Variants in RANBP17 observed in about 807,000 individuals in gnomAD.
RANBP17 encodes the protein ran-binding protein 17.
A neutral mutation model predicts 141.2 loss-of-function variants in RANBP17; 158 were observed. The ratio of observed to expected loss-of-function variants is 1.12; its 90% confidence interval spans 0.98 to 1.28. RANBP17 has a LOEUF of 1.28. Ranked by LOEUF, RANBP17 falls within the 50% of genes most tolerant of loss-of-function variation. The pLI, the probability that RANBP17 is intolerant of heterozygous loss-of-function variation, is 0.00. For synonymous variants in RANBP17, 430 were observed against 450.0 expected (o/e 0.96, Z 0.56); for missense variants, 1,438 against 1,290.7 (o/e 1.11, Z -1.75).
At chr5:171,117,301 CA>C (rs2127767864) in intron 14 of RANBP17, among the ~76,000 whole-genome samples, 1 of 152,190 alleles carries the variant, frequency 6.6e-6, no homozygotes, top group East Asian at 1.9e-4. Flanking sequence ...AGTATATAAA[CA>C]GTATTTTGTC....
chr5:170,979,459 A>G (rs1439180745), intron 14 of RANBP17, among the ~76,000 whole-genome samples: 1 of 152,202 alleles, frequency 6.6e-6, no homozygotes, highest in African/African-American at 2.4e-5. Context: ...AAATTAGAGA[A>G]TGATATGGTC....
chr5:171,280,180 T>C (rs1278557445), intron 25 of RANBP17, among the ~76,000 whole-genome samples: 1 of 152,080 alleles, frequency 6.6e-6, no homozygotes, highest in Non-Finnish European at 1.5e-5. Flanking sequence ...ATTCCCAAAG[T>C]GTAGTGTGCT....
At chr5:170,961,719 C>G (rs902913835) in intron 13 of RANBP17, among the ~76,000 whole-genome samples, 6 of 152,148 alleles carry the variant, frequency 3.9e-5, no homozygotes, top group Admixed American at 3.9e-4. Context: ...CACTTCTGAT[C>G]TGAAGCATTT....
rs562851439 is a variant in RANBP17 at position 171,041,836 on chromosome 5, C to T, written c.1710+73459C>T. Among the ~76,000 whole-genome samples the T allele has an allele frequency of 2.0e-5, 3 of 152,126 alleles. No individual in the cohort carries two copies. In the South Asian group the frequency reaches 6.2e-4, roughly 32 times the overall value. ...GATGGTGGTTTGCTGCACCTATCAACCCATCACCTAGGTATTAAGTCCCAC... is the reference window on the plus strand; with the variant it reads ...GATGGTGGTTTGCTGCACCTATCAATCCATCACCTAGGTATTAAGTCCCAC... On this transcript the variant is annotated intron_variant, in intron 14 of 27. Coordinates refer to ENST00000523189, the MANE Select transcript of RANBP17 (RefSeq NM_022897.5).
intron 14 of RANBP17, among the ~76,000 whole-genome samples, chr5:171,101,411 G>C (rs1015943223): frequency 6.6e-6 from 1 of 152,166 alleles, no homozygotes; most frequent in African/African-American, 2.4e-5. Context: ...CAAGGGCGAA[G>C]ATTGCAACCC....
chr5:171,114,488 A>G (rs1239181363), intron 14 of RANBP17, among the ~76,000 whole-genome samples: 1 of 151,844 alleles, frequency 6.6e-6, no homozygotes, highest in Non-Finnish European at 1.5e-5. Context: ...AATACATAGA[A>G]TGATTTTATA....
chr5:171,198,088 A>G (rs1762082112), intron 18 of RANBP17, among the ~76,000 whole-genome samples: 1 of 152,216 alleles, frequency 6.6e-6, no homozygotes, highest in South Asian at 2.1e-4. Flanking sequence ...GAAGGGAGAT[A>G]ACTTGATTGG....
intron 22 of RANBP17, 103 bp downstream of exon 22, chr5:171,221,943 G>A: frequency 1.3e-6 from 1 of 766,568 alleles, no homozygotes; most frequent in South Asian, 1.8e-5. Context: ...ATATCTTTAT[G>A]AATTTGTGAA....
chr5:170,892,371 AG>A lies in RANBP17; in HGVS notation c.257-15del. On this transcript the variant is annotated splice_polypyrimidine_tract_variant and intron_variant, in intron 3 of 27. Transcript: ENST00000523189. ...TCTGAAAAGTCCAGATGACCCATGG[AG>A]TGTTTTCTTTGTAGGAAACTACATT... 6.3e-7 allele frequency: 1 copy of A among 1,576,052 alleles called. No homozygotes were observed. The highest frequency in any genetic ancestry group is 2.4e-5 in the East Asian group (1 of 42,426).
At chr5:171,065,504 C>T (rs770102225) in intron 14 of RANBP17, among the ~76,000 whole-genome samples, 17 of 152,134 alleles carry the variant, frequency 1.1e-4, no homozygotes, top group South Asian at 1.0e-3. Context: ...GCTTGCCCTC[C>T]GCTCATCTCC....
At chr5:170,875,902 G>T (rs4868039) in intron 1 of RANBP17, among the ~76,000 whole-genome samples, 91,264 of 152,004 alleles carry the variant, frequency 0.6, 29,145 homozygotes, top group South Asian at 0.88. Flanking sequence ...CGATCTTTGA[G>T]GCTGCTCACC....
chr5:171,016,949 T>C (rs1780479476), intron 14 of RANBP17, among the ~76,000 whole-genome samples: 1 of 130,836 alleles, frequency 7.6e-6, no homozygotes, highest in African/African-American at 2.9e-5. Flanking sequence ...TTCCCCTCTA[T>C]GTGTCCATGT....
At chr5:170,958,635 A>T (rs526120) in intron 13 of RANBP17, among the ~76,000 whole-genome samples, 146,440 of 152,312 alleles carry the variant, frequency 0.96, 70,453 homozygotes, top group East Asian at 1. Flanking sequence ...ACTTTCTATA[A>T]GTTATATATA....
intron 22 of RANBP17, among the ~76,000 whole-genome samples, chr5:171,222,157 A>G (rs1763606211): frequency 6.6e-6 from 1 of 152,238 alleles, no homozygotes; most frequent in Non-Finnish European, 1.5e-5. Flanking sequence ...TACATCAGGG[A>G]GTTTGCTATG....
intron 14 of RANBP17, among the ~76,000 whole-genome samples, chr5:171,065,897 G>C (rs1784283908): frequency 6.6e-6 from 1 of 151,658 alleles, no homozygotes; most frequent in Admixed American, 6.6e-5. Flanking sequence ...GTCTCACTCT[G>C]TCGCCCAGAT....
rs573470816 is a variant in RANBP17 at position 171,183,406 on chromosome 5, A to G, written c.2014A>G (p.Thr672Ala). The G allele has an allele frequency of 6.2e-7, 1 of 1,613,446 alleles. No homozygotes were observed. The highest frequency in any genetic ancestry group is 1.1e-5 in the South Asian group (1 of 91,064). The change falls in exon 18 of 28, where the codon ACT becomes GCT. Residue 672 changes from threonine (T) to alanine (A), a missense_variant. Transcript: ENST00000523189. Reference sequence around the variant, plus strand: ...TCGAACAACCTTCTACACAGCGCTCACTCGCCTTCTGATGGTAGATCTGGG... The same window carrying G: ...TCGAACAACCTTCTACACAGCGCTCGCTCGCCTTCTGATGGTAGATCTGGG... ...RCRTTFYTAL[T>A]RLLMVDLGED...
chr5:170,915,830 T>C (rs1474517830), intron 8 of RANBP17, among the ~76,000 whole-genome samples: 1 of 152,100 alleles, frequency 6.6e-6, no homozygotes, highest in East Asian at 1.9e-4. Flanking sequence ...TATTTTCTTT[T>C]TGGTAGAAAA....
At chr5:170,938,278 G>A (rs1774051074) in intron 12 of RANBP17, among the ~76,000 whole-genome samples, 1 of 152,268 alleles carries the variant, frequency 6.6e-6, no homozygotes, top group Middle Eastern at 3.4e-3. Flanking sequence ...GGTATAAAAT[G>A]GTTTTAAATT....
At chr5:171,275,076 G>C (rs1230566121) in intron 25 of RANBP17, among the ~76,000 whole-genome samples, 2 of 152,094 alleles carry the variant, frequency 1.3e-5, no homozygotes. Flanking sequence ...GAAAGGGATG[G>C]AATCCACCAG....
Sources: allele counts gnomAD v4.1 joint callset (sites outside exome capture counted in the v4.1 genomes callset), GRCh38; gene constraint gnomAD v4.1.1; transcripts MANE v1.5; gene names NCBI Gene and HGNC (gene_info 2026-07-23, HGNC 2026-07-21).